Variants in SPAST observed in about 807,000 individuals in gnomAD.
SPAST encodes the protein spastin.
Under a neutral mutation model 76.6 loss-of-function variants are expected in SPAST, and 30 were observed. That is an observed-to-expected ratio of 0.39 (90% CI 0.29 to 0.53). The LOEUF (loss-of-function observed/expected upper bound fraction) is 0.53, where lower values mean the gene tolerates loss of function less well. Ranked by LOEUF, SPAST falls within the 20% of genes least tolerant of loss-of-function variation. The pLI, the probability that SPAST is intolerant of heterozygous loss-of-function variation, is 0.68. For synonymous variants in SPAST, 305 were observed against 281.0 expected (o/e 1.09, Z -0.86); for missense variants, 717 against 770.5 (o/e 0.93, Z 0.82).
At chr2:32,085,114 G>T (rs1028093134) in intron 1 of SPAST, among the ~76,000 whole-genome samples, 4 of 151,132 alleles carry the variant, frequency 2.6e-5, no homozygotes, top group South Asian at 4.2e-4. Context: ...ATGTAAACAG[G>T]TGTTTTCTTT....
chr2:32,131,275 C>T lies in SPAST; in HGVS notation c.1245+2796C>T, dbSNP rs1453253552. ...GTTGAAATGTTACAACCTTCCCTGA[C>T]CCTCCAAACTATTCCCCGTTATTAT... On this transcript the variant is annotated intron_variant, in intron 9 of 16. Transcript: ENST00000315285. Among the ~76,000 whole-genome samples, 3 of 152,198 alleles carry T rather than the reference C, an allele frequency of 2.0e-5. No homozygotes were observed. In the East Asian group the frequency reaches 5.8e-4, roughly 29 times the overall value.
At chr2:32,112,216 G>A (rs1678642343) in intron 4 of SPAST, among the ~76,000 whole-genome samples, 1 of 151,724 alleles carries the variant, frequency 6.6e-6, no homozygotes, top group Non-Finnish European at 1.5e-5. Flanking sequence ...GCCTCCCAAA[G>A]CGCTAGGATT....
chr2:32,073,697 CT>C (rs1342513323), intron 1 of SPAST, among the ~76,000 whole-genome samples: 1 of 152,066 alleles, frequency 6.6e-6, no homozygotes, highest in Non-Finnish European at 1.5e-5. Flanking sequence ...CTGACGTAGC[CT>C]TTTTTTCTCT....
intron 1 of SPAST, among the ~76,000 whole-genome samples, chr2:32,078,153 G>A (rs1677041374): frequency 6.6e-6 from 1 of 151,910 alleles, no homozygotes; most frequent in African/African-American, 2.4e-5. Flanking sequence ...ACTACGCCCG[G>A]CTAATTTTTT....
intron 4 of SPAST, among the ~76,000 whole-genome samples, chr2:32,111,988 GT>G (rs1678628662): frequency 1.4e-5 from 2 of 146,540 alleles, no homozygotes; most frequent in African/African-American, 5.2e-5. Flanking sequence ...AGTAGTAGTA[GT>G]AGTAGTAGTA....
At chr2:32,117,476 T>C (rs1182669173) in intron 7 of SPAST, among the ~76,000 whole-genome samples, 2 of 151,594 alleles carry the variant, frequency 1.3e-5, no homozygotes, top group African/African-American at 4.8e-5. Flanking sequence ...TTTTTAATTA[T>C]TTTTAAAAAG....
In SPAST at chr2:32,087,590, T is replaced by C; in HGVS notation, c.502+12T>C. ...AGTTACAGGACAAGGTAAGATTGTA[T>C]TTGTTTATAGCCATCCCAAATTATG... On this transcript the variant is annotated intron_variant, in intron 2 of 16. Coordinates refer to ENST00000315285, the MANE Select transcript of SPAST (RefSeq NM_014946.4). The C allele has an allele frequency of 6.9e-7, 1 of 1,440,762 alleles. No homozygotes were observed. Among genetic ancestry groups the C allele is most frequent in the Admixed American group, 1.7e-5 (1 of 58,886 alleles). The allele number at this position is 1,440,762 out of a possible 1,614,324, so 89.2% of individuals were successfully genotyped here. A position where few individuals can be genotyped will look rare whatever the true frequency, so the allele number is the denominator to read the frequency against.
intron 6 of SPAST, 101 bp from the exon 7 acceptor site, chr2:32,116,018 G>A: frequency 1.0e-6 from 1 of 997,754 alleles, no homozygotes; most frequent in Non-Finnish European, 1.6e-6. Context: ...TAGTTTAACA[G>A]TTAACATTAA....
chr2:32,068,984 C>T (rs1239816574), intron 1 of SPAST, among the ~76,000 whole-genome samples: 4 of 151,796 alleles, frequency 2.6e-5, no homozygotes, highest in Non-Finnish European at 4.4e-5. Flanking sequence ...CAGAGGCAGG[C>T]GGATCACTTG....
rs538772243 is a variant in SPAST at position 32,063,855 on chromosome 2, G to A, written c.24G>A (p.Gly8=). 1.5e-5 allele frequency: 24 copies of A among 1,583,384 alleles called. No individual in the cohort carries two copies. The highest frequency in any genetic ancestry group is 2.0e-5 in the Non-Finnish European group (23 of 1,170,864). Residue 8 remains glycine (G), a synonymous_variant, in exon 1 of 17, where the codon GGG becomes GGA. Transcript: ENST00000315285. MNSPGGR[G]KKKGSGGASN... is the part of the protein sequence containing the mutation. ...GAATGAATTCTCCGGGTGGACGAGGGAAGAAGAAAGGCTCCGGCGGCGCCA... is the reference window on the plus strand; with the variant it reads ...GAATGAATTCTCCGGGTGGACGAGGAAAGAAGAAAGGCTCCGGCGGCGCCA...
At chr2:32,149,230 C>T (rs1679995514) in intron 16 of SPAST, among the ~76,000 whole-genome samples, 1 of 148,652 alleles carries the variant, frequency 6.7e-6, no homozygotes, top group Admixed American at 6.8e-5. Context: ...GCTGAGATTA[C>T]AGGCATGGGC....
chr2:32,107,737 C>T (rs1297373011), intron 4 of SPAST, among the ~76,000 whole-genome samples: 2 of 152,190 alleles, frequency 1.3e-5, no homozygotes, highest in East Asian at 3.9e-4. Context: ...GGATACTCAA[C>T]CCATAATCTT....
intron 16 of SPAST, among the ~76,000 whole-genome samples, chr2:32,153,040 C>T (rs1300630404): frequency 6.6e-6 from 1 of 152,018 alleles, no homozygotes; most frequent in African/African-American, 2.4e-5. Flanking sequence ...CGAGCCACTG[C>T]AGCCAGCCTA....
chr2:32,072,597 C>G (rs969630771), intron 1 of SPAST, among the ~76,000 whole-genome samples: 9 of 151,994 alleles, frequency 5.9e-5, no homozygotes, highest in Non-Finnish European at 1.2e-4. Context: ...GTCCATGAGT[C>G]AGTTGGGGGT....
chr2:32,147,350 T>TTG, intron 16 of SPAST, 92 bp downstream of exon 16: 1 of 633,760 alleles, frequency 1.6e-6, no homozygotes, highest in Non-Finnish European at 2.6e-6. Context: ...GTGTGGTTTT[T>TTG]TTTTTTTTTT....
At chr2:32,131,370 A>G (rs1679364924) in intron 9 of SPAST, among the ~76,000 whole-genome samples, 1 of 152,162 alleles carries the variant, frequency 6.6e-6, no homozygotes, top group Non-Finnish European at 1.5e-5. Flanking sequence ...TGATAGGATT[A>G]TTTTAATTGT....
At chr2:32,110,510 TA>T (rs993754876) in intron 4 of SPAST, among the ~76,000 whole-genome samples, 6 of 53,956 alleles carry the variant, frequency 1.1e-4, no homozygotes, top group Admixed American at 9.6e-4. Flanking sequence ...GTATATATAG[TA>T]TATATATACT....
intron 3 of SPAST, among the ~76,000 whole-genome samples, chr2:32,091,693 G>A (rs1349838976): frequency 1.3e-5 from 2 of 151,900 alleles, no homozygotes; most frequent in Admixed American, 6.6e-5. Context: ...AACTAGCCAG[G>A]TGTGGTGGCG....
intron 1 of SPAST, among the ~76,000 whole-genome samples, chr2:32,083,827 C>T (rs1677363130): frequency 7.6e-6 from 1 of 130,822 alleles, no homozygotes. Flanking sequence ...AGGCTGGATG[C>T]AGTGGCATGA....
Sources: gnomAD v4.1 joint callset for allele counts (sites outside exome capture counted in the v4.1 genomes callset) on GRCh38, gnomAD v4.1.1 for gene constraint, MANE v1.5 for transcripts, NCBI Gene and HGNC (gene_info 2026-07-23, HGNC 2026-07-21) for gene names.